The following LRP1B variants were observed in gnomAD, a reference collection of about 807,000 sequenced individuals.
LRP1B encodes the protein low-density lipoprotein receptor-related protein 1B.
LRP1B carries 217 observed loss-of-function variants against 556.6 expected under a neutral mutation model. That is an observed-to-expected ratio of 0.39 (90% CI 0.35 to 0.44). The LOEUF is 0.44. LRP1B is among the 20% of genes least tolerant of loss of function. The pLI is 1.00. For synonymous variants in LRP1B, 2,047 were observed against 1,865.8 expected, an observed-to-expected ratio of 1.10 and a Z score of -2.50; for missense variants, 5,053 against 5,620.8, an observed-to-expected ratio of 0.90 and a Z score of 3.23.
intron 84 of LRP1B, among the ~76,000 whole-genome samples, chr2:140,291,320 T>TATATATATATATATATATA (rs745524571): frequency 0.045 from 2,319 of 50,978 alleles, 395 homozygotes; most frequent in Non-Finnish European, 0.068. Flanking sequence ...ATATATATAT[T>TATATATATATATATATATA]TTTATTATAC....
intron 3 of LRP1B, among the ~76,000 whole-genome samples, chr2:141,296,278 A>T (rs1686180423): frequency 6.6e-6 from 1 of 152,222 alleles, no homozygotes; most frequent in Non-Finnish European, 1.5e-5. Flanking sequence ...TGCATTCAGT[A>T]TTTAAATAAT....
intron 3 of LRP1B, among the ~76,000 whole-genome samples, chr2:141,449,765 G>A (rs1280044248): frequency 1.3e-5 from 2 of 152,190 alleles, no homozygotes; most frequent in East Asian, 1.9e-4. Flanking sequence ...TTGGACAAAT[G>A]TAAACTTTTT....
intron 1 of LRP1B, among the ~76,000 whole-genome samples, chr2:141,977,888 A>G (rs546514878): frequency 6.6e-6 from 1 of 152,272 alleles, no homozygotes; most frequent in South Asian, 2.1e-4. Context: ...AACTTAAAAT[A>G]TCCATTATTC....
intron 2 of LRP1B, among the ~76,000 whole-genome samples, chr2:141,537,675 T>C (rs1254472397): frequency 6.6e-6 from 1 of 152,148 alleles, no homozygotes; most frequent in African/African-American, 2.4e-5. Flanking sequence ...TAAAATCAGA[T>C]TGTATAGTCA....
intron 1 of LRP1B, among the ~76,000 whole-genome samples, chr2:141,947,803 T>G (rs1700995567): frequency 1.1e-5 from 1 of 92,094 alleles, no homozygotes; most frequent in African/African-American, 4.1e-5. Context: ...GAAAAATTTT[T>G]TTTTAAATAT....
chr2:140,561,151 C>T (rs1680914404), intron 43 of LRP1B, among the ~76,000 whole-genome samples: 2 of 152,144 alleles, frequency 1.3e-5, no homozygotes, highest in Non-Finnish European at 2.9e-5. Context: ...CTTTTCTTCA[C>T]AGCCAGCCGT....
At chr2:140,626,701 TAAAA>T (rs60712957) in intron 41 of LRP1B, among the ~76,000 whole-genome samples, 65,367 of 142,122 alleles carry the variant, frequency 0.46, 15,432 homozygotes, top group African/African-American at 0.6. Context: ...AGCTTCCATT[TAAAA>T]AAAAAAAAAA....
At chr2:140,557,886 T>C (rs538245270) in intron 43 of LRP1B, among the ~76,000 whole-genome samples, 1 of 152,312 alleles carries the variant, frequency 6.6e-6, no homozygotes, top group East Asian at 1.9e-4. Flanking sequence ...TATGGCTTAT[T>C]ATCTGTCTTC....
intron 43 of LRP1B, among the ~76,000 whole-genome samples, chr2:140,594,183 T>C (rs547015682): frequency 7.2e-5 from 11 of 152,264 alleles, no homozygotes; most frequent in African/African-American, 2.6e-4. Context: ...TTGGTCAGGC[T>C]GGTCTCGAAC....
chr2:141,194,315 G>T lies in LRP1B; in HGVS notation c.851-5732C>A, dbSNP rs142721337. 9.2e-3 allele frequency among the ~76,000 whole-genome samples: 1,406 copies of T among 152,018 alleles called. 20 individuals are homozygous for T. Among genetic ancestry groups the T allele is most frequent in the African/African-American group, 0.033 (1,352 of 41,472 alleles). ...TGATTTCTTCTTTATTTTCTATATT[G>T]ATTTTCTACCAACCAGAAATGGCAA... On this transcript the variant is annotated intron_variant, in intron 6 of 90. Coordinates refer to ENST00000389484, the MANE Select transcript of LRP1B (RefSeq NM_018557.3).
At chr2:140,444,485 T>C in intron 64 of LRP1B, 36 bp from the exon 65 acceptor site, 1 of 1,613,494 alleles carries the variant, frequency 6.2e-7, no homozygotes, top group Non-Finnish European at 8.5e-7. Context: ...AGAAAATTTG[T>C]GTCTGAATTA....
intron 3 of LRP1B, among the ~76,000 whole-genome samples, chr2:141,375,739 C>T (rs1165341141): frequency 6.6e-6 from 1 of 152,156 alleles, no homozygotes; most frequent in Non-Finnish European, 1.5e-5. Context: ...GATAGGGCCC[C>T]TTCCAGGCAA....
intron 32 of LRP1B, among the ~76,000 whole-genome samples, chr2:140,809,164 A>T (rs1010548120): frequency 1.3e-5 from 2 of 152,012 alleles, no homozygotes; most frequent in African/African-American, 4.8e-5. Context: ...GTTTTTTTGT[A>T]GAGTGTTTGG....
At chr2:141,147,132 G>T (rs1400214673) in intron 7 of LRP1B, among the ~76,000 whole-genome samples, 2 of 152,138 alleles carry the variant, frequency 1.3e-5, no homozygotes, top group Non-Finnish European at 2.9e-5. Flanking sequence ...CATTCCCCCA[G>T]GATTATAGCA....
chr2:141,118,362 A>C (rs1402069394), intron 7 of LRP1B, among the ~76,000 whole-genome samples: 2 of 151,888 alleles, frequency 1.3e-5, no homozygotes, highest in Admixed American at 1.3e-4. Context: ...ATTATAGTTT[A>C]TTTCCTACCA....
At chr2:140,637,502 GTTAAGCCA>G (rs1301000631) in intron 41 of LRP1B, among the ~76,000 whole-genome samples, 2 of 152,172 alleles carry the variant, frequency 1.3e-5, no homozygotes, top group Admixed American at 6.6e-5. Flanking sequence ...GACATAAGCT[GTTAAGCCA>G]AACAGCTTTC....
At chr2:141,455,483 T>C (rs1467272119) in intron 3 of LRP1B, among the ~76,000 whole-genome samples, 5 of 150,598 alleles carry the variant, frequency 3.3e-5, no homozygotes, top group African/African-American at 1.2e-4. Context: ...CCGCAGAAGA[T>C]TTTAATTCAT....
intron 3 of LRP1B, among the ~76,000 whole-genome samples, chr2:141,351,213 A>G (rs935544108): frequency 6.6e-6 from 1 of 152,060 alleles, no homozygotes; most frequent in Non-Finnish European, 1.5e-5. Context: ...ACATTTTTCC[A>G]TTCTACCAAT....
intron 1 of LRP1B, among the ~76,000 whole-genome samples, chr2:141,927,017 A>C (rs1700351935): frequency 6.6e-6 from 1 of 152,138 alleles, no homozygotes; most frequent in African/African-American, 2.4e-5. Context: ...ATTGTTATTT[A>C]CTGAATCAGA....
Sources: allele counts gnomAD v4.1 joint callset (sites outside exome capture counted in the v4.1 genomes callset), GRCh38; gene constraint gnomAD v4.1.1; transcripts MANE v1.5; gene names NCBI Gene and HGNC (gene_info 2026-07-23, HGNC 2026-07-21).